Variants in KIRREL3 observed in about 807,000 individuals in gnomAD.
The protein encoded by KIRREL3 is kin of IRRE-like protein 3.
A neutral mutation model predicts 89.7 loss-of-function variants in KIRREL3; 36 were observed. That is an observed-to-expected ratio of 0.40 (90% CI 0.31 to 0.53). KIRREL3 has a LOEUF of 0.53. Among genes scored for constraint, KIRREL3 ranks in the 20% least tolerant of loss-of-function variants. The pLI is 0.49. For missense variants in KIRREL3, 864 were observed against 1,056.6 expected, an observed-to-expected ratio of 0.82 and a Z score of 2.53; for synonymous variants, 445 against 441.4, an observed-to-expected ratio of 1.01 and a Z score of -0.10.
rs764805613 is a variant in KIRREL3 at position 126,513,945 on chromosome 11, C to T, written c.433+7370G>A. ...TGTCAGCCTCAGATACCCTTCATGG[C>T]CCCCAGCTCTGCTCACTTTATCACC... On this transcript the variant is annotated intron_variant, in intron 4 of 16. Coordinates refer to ENST00000525144, the MANE Select transcript of KIRREL3 (RefSeq NM_032531.4). The surrounding 1 kb of genome is among the most constrained non-coding windows in gnomAD (Gnocchi z 5.9). Among the ~76,000 whole-genome samples, 1 of 152,124 alleles carries T rather than the reference C, an allele frequency of 6.6e-6. No individual in the cohort carries two copies. Among genetic ancestry groups the T allele is most frequent in the South Asian group, 2.1e-4 (1 of 4,824 alleles).
At position 126,564,562 on chromosome 11, in the gene KIRREL3, G is replaced by A. The variant is rs182561170; in HGVS notation, c.56-1650C>T. 4.7e-4 allele frequency among the ~76,000 whole-genome samples: 71 copies of A among 152,276 alleles called. 1 individual carries two copies. Among genetic ancestry groups the A allele is most frequent in the East Asian group, 4.4e-3 (23 of 5,180 alleles). ...TCTCTTCCTTCCCCTCCACACTGGC[G>A]TCTGAAGGCTTAGCCAAACCGCCCT... On this transcript the variant is annotated intron_variant, in intron 1 of 16. Transcript: ENST00000525144. The surrounding 1 kb of genome is among the most constrained non-coding windows in gnomAD (Gnocchi z 7.4).
chr11:126,512,953 C>T (rs1958272895), intron 4 of KIRREL3, among the ~76,000 whole-genome samples: 1 of 152,120 alleles, frequency 6.6e-6, no homozygotes, highest in African/African-American at 2.4e-5. Flanking sequence ...CATCATCAGC[C>T]CCTGTCTCAC....
At chr11:126,992,239 G>T (rs1192235954) in intron 1 of KIRREL3, among the ~76,000 whole-genome samples, 3 of 152,174 alleles carry the variant, frequency 2.0e-5, no homozygotes, top group Non-Finnish European at 4.4e-5. Context: ...ATAATATTCA[G>T]AGAATCTTAC....
At position 126,640,147 on chromosome 11, in the gene KIRREL3, T is replaced by A. The variant is rs891606087; in HGVS notation, c.56-77235A>T. Among the ~76,000 whole-genome samples, 15 of 152,252 alleles carry A rather than the reference T, an allele frequency of 9.9e-5. No homozygotes were observed. The East Asian group carries it at 1.5e-3, about 16-fold the overall frequency. Reference sequence around the variant, plus strand: ...TGCATTGTACTAAAAAAATAAGGCATAGAAGCTCTATGATTTTCTGTCTAT... The same window carrying A: ...TGCATTGTACTAAAAAAATAAGGCAAAGAAGCTCTATGATTTTCTGTCTAT... On this transcript the variant is annotated intron_variant, in intron 1 of 16. Transcript: ENST00000525144. The surrounding 1 kb of genome is among the most constrained non-coding windows in gnomAD (Gnocchi z 4.9).
rs950238897 is a variant in KIRREL3, at chr11:126,710,782, A to G, written c.56-147870T>C. Among the ~76,000 whole-genome samples the G allele has an allele frequency of 6.6e-6, 1 of 152,242 alleles. No individual in the cohort carries two copies. Among genetic ancestry groups the G allele is most frequent in the Non-Finnish European group, 1.5e-5 (1 of 68,048 alleles). ...CAAGTCAAACAGATCACAACTGATTATTAAGAACAGATCTACTACAGTTTG... is the reference window on the plus strand; with the variant it reads ...CAAGTCAAACAGATCACAACTGATTGTTAAGAACAGATCTACTACAGTTTG... On this transcript the variant is annotated intron_variant, in intron 1 of 16. Coordinates refer to ENST00000525144, the MANE Select transcript of KIRREL3 (RefSeq NM_032531.4). The surrounding 1 kb of genome is among the most constrained non-coding windows in gnomAD (Gnocchi z 4.2).
At chr11:126,882,494 A>C (rs1395908012) in intron 1 of KIRREL3, among the ~76,000 whole-genome samples, 1 of 151,144 alleles carries the variant, frequency 6.6e-6, no homozygotes, top group Admixed American at 6.6e-5. Flanking sequence ...TGTCCCATGC[A>C]ATTGTGACCA....
chr11:126,448,690 C>G (rs1057225831), intron 8 of KIRREL3, among the ~76,000 whole-genome samples: 1 of 152,156 alleles, frequency 6.6e-6, no homozygotes, highest in Non-Finnish European at 1.5e-5. Context: ...AGCAAGAAGG[C>G]AGCTGCCTGC....
chr11:126,926,629 G>C (rs1374911233), intron 1 of KIRREL3, among the ~76,000 whole-genome samples: 1 of 152,158 alleles, frequency 6.6e-6, no homozygotes, highest in Non-Finnish European at 1.5e-5. Context: ...CCAGAGCTCT[G>C]CCTGGAAGTG....
chr11:126,573,215 C>T (rs754876729), intron 1 of KIRREL3, among the ~76,000 whole-genome samples: 1 of 152,156 alleles, frequency 6.6e-6, no homozygotes, highest in Non-Finnish European at 1.5e-5. Flanking sequence ...AGTGGGCATG[C>T]GTTGCCTCGC....
intron 1 of KIRREL3, among the ~76,000 whole-genome samples, chr11:126,907,272 C>T (rs547906743): frequency 1.8e-3 from 269 of 152,276 alleles, no homozygotes; most frequent in African/African-American, 6.2e-3. Flanking sequence ...GCCCTGAACA[C>T]GATGTGGAAC....
intron 1 of KIRREL3, among the ~76,000 whole-genome samples, chr11:126,932,836 C>T (rs951636847): frequency 6.6e-6 from 1 of 152,218 alleles, no homozygotes; most frequent in Non-Finnish European, 1.5e-5. Context: ...GTTATTAAAA[C>T]CCACACAATA....
At chr11:126,599,530 G>A (rs118073052) in intron 1 of KIRREL3, among the ~76,000 whole-genome samples, 2,387 of 152,294 alleles carry the variant, frequency 0.016, 28 homozygotes, top group Non-Finnish European at 0.026. Flanking sequence ...CTGGATCTGA[G>A]TCAGAGACAT....
chr11:126,442,754 G>A (rs1048733865), intron 10 of KIRREL3, among the ~76,000 whole-genome samples: 1 of 152,250 alleles, frequency 6.6e-6, no homozygotes, highest in Non-Finnish European at 1.5e-5. Flanking sequence ...TGGCAGGTCT[G>A]GTGCGCTCCC....
chr11:126,823,284 T>C (rs1943290299), intron 1 of KIRREL3, among the ~76,000 whole-genome samples: 1 of 152,224 alleles, frequency 6.6e-6, no homozygotes, highest in Admixed American at 6.5e-5. Context: ...AGCTAAGGGA[T>C]AAACCAAAGC....
At position 126,924,929 on chromosome 11, in the gene KIRREL3, A is replaced by C; in HGVS notation, c.55+75526T>G. On this transcript the variant is annotated intron_variant, in intron 1 of 16. Transcript: ENST00000525144. This position sits in a 1 kb window ranked among gnomAD's most constrained non-coding sequence, Gnocchi z 4.7. ...TGTATGTGTGTGTGTGTACATGCTT[A>C]TGTGTGTGTGTGTGTGTTGCAGTGG... is the stretch of plus-strand genomic sequence containing the variant. Among the ~76,000 whole-genome samples the C allele has an allele frequency of 6.8e-6, 1 of 147,466 alleles. No individual in the cohort carries two copies. Among genetic ancestry groups the C allele is most frequent in the Non-Finnish European group, 1.5e-5 (1 of 67,096 alleles).
upstream of KIRREL3, chr11:127,000,810 C>A (rs1295902607): frequency 1.0e-5 from 5 of 489,180 alleles, no homozygotes; most frequent in African/African-American, 9.8e-5. This position sits in a 1 kb window ranked among gnomAD's most constrained non-coding sequence, Gnocchi z 7.1. Flanking sequence ...CTCAGGCGGG[C>A]TCCTCCCACA....
chr11:127,002,883 G>C (rs1219332336), upstream of KIRREL3: 2 of 152,180 alleles, frequency 1.3e-5, no homozygotes, highest in African/African-American at 4.8e-5. Context: ...TCAGGCACAC[G>C]TACAGGTGTC....
At chr11:126,585,813 T>G (rs1206678553) in intron 1 of KIRREL3, among the ~76,000 whole-genome samples, 1 of 152,236 alleles carries the variant, frequency 6.6e-6, no homozygotes, top group Non-Finnish European at 1.5e-5. Context: ...TCCATCAATG[T>G]AAACGACCGT....
intron 1 of KIRREL3, among the ~76,000 whole-genome samples, chr11:126,971,629 A>G (rs547318064): frequency 6.6e-6 from 1 of 152,318 alleles, no homozygotes; most frequent in African/African-American, 2.4e-5. Flanking sequence ...TGAAAATATC[A>G]TCAGTCCGAT....
Sources: gnomAD v4.1 joint callset for allele counts (sites outside exome capture counted in the v4.1 genomes callset) on GRCh38, gnomAD v4.1.1 for gene constraint, Gnocchi (gnomAD v3.1) non-coding constraint, MANE v1.5 for transcripts, NCBI Gene and HGNC (gene_info 2026-07-23, HGNC 2026-07-21) for gene names.